Variants in KIAA1549L observed in about 807,000 individuals in gnomAD.
KIAA1549L encodes UPF0606 protein KIAA1549L.
Under a neutral mutation model 160.7 loss-of-function variants are expected in KIAA1549L, and 88 were observed. The observed-to-expected ratio is 0.55, with a 90% confidence interval of 0.46 to 0.65. The LOEUF (loss-of-function observed/expected upper bound fraction) is 0.65, where lower values mean the gene tolerates loss of function less well. Among genes scored for constraint, KIAA1549L ranks in the 30% least tolerant of loss-of-function variants. The pLI, the probability that KIAA1549L is intolerant of heterozygous loss-of-function variation, is 0.00. For synonymous variants in KIAA1549L, 950 were observed against 976.7 expected (o/e 0.97, Z 0.51); for missense variants, 2,258 against 2,437.5 (o/e 0.93, Z 1.55).
chr11:33,660,602 G>A (rs554589000), intron 19 of KIAA1549L, among the ~76,000 whole-genome samples: 58 of 150,764 alleles, frequency 3.8e-4, no homozygotes, highest in African/African-American at 1.4e-3. Context: ...TTCCTCCATC[G>A]CATCCCACCT....
At chr11:33,464,672 C>A (rs1388601295) in intron 1 of KIAA1549L, among the ~76,000 whole-genome samples, 1 of 152,154 alleles carries the variant, frequency 6.6e-6, no homozygotes, top group Admixed American at 6.5e-5. Context: ...CCTCTCCATA[C>A]CACAGCCAGT....
chr11:33,497,082 C>T (rs1852838272), intron 1 of KIAA1549L, among the ~76,000 whole-genome samples: 1 of 152,128 alleles, frequency 6.6e-6, no homozygotes, highest in South Asian at 2.1e-4. Context: ...GAGAAGCCTT[C>T]CCTGGCCCCC....
At position 33,470,695 on chromosome 11, in the gene KIAA1549L, C is replaced by T. The variant is rs562201926; in HGVS notation, c.239-71107C>T. On this transcript the variant is annotated intron_variant, in intron 1 of 20. Coordinates refer to ENST00000658780, the MANE Select transcript of KIAA1549L (RefSeq NM_012194.3). ...AGTTCAAGCAATCCACCTGCCAATCCACCCGCCTTGGCCTCCGAAAATACT... is the reference window on the plus strand; with the variant it reads ...AGTTCAAGCAATCCACCTGCCAATCTACCCGCCTTGGCCTCCGAAAATACT... Among the ~76,000 whole-genome samples the T allele has an allele frequency of 2.0e-5, 3 of 152,294 alleles. No homozygotes were observed. The East Asian group carries it at 5.8e-4, about 29-fold the overall frequency.
At chr11:33,495,949 C>A (rs984204822) in intron 1 of KIAA1549L, among the ~76,000 whole-genome samples, 1 of 151,946 alleles carries the variant, frequency 6.6e-6, no homozygotes, top group Non-Finnish European at 1.5e-5. Context: ...CTGTTCATGT[C>A]CTTCGCCCAC....
At chr11:33,630,087 C>A (rs191693858) in intron 16 of KIAA1549L, among the ~76,000 whole-genome samples, 1,841 of 149,530 alleles carry the variant, frequency 0.012, 51 homozygotes, top group African/African-American at 0.04. Context: ...GTGCCTCCCA[C>A]TTAGGCTGCT....
In KIAA1549L at chr11:33,380,801, A is replaced by C. The variant is rs115044101; in HGVS notation, c.238+3912A>C. Among the ~76,000 whole-genome samples the C allele has an allele frequency of 5.2e-3, 787 of 152,162 alleles. 3 individuals are homozygous for C. Among genetic ancestry groups the C allele is most frequent in the African/African-American group, 0.017 (715 of 41,528 alleles). ...CGATACCAAAGAATTTCTAATTTAG[A>C]ACAGTGTGTGGGGAGATAGTTTTGA... On this transcript the variant is annotated intron_variant, in intron 1 of 20. Transcript: ENST00000658780.
rs148602369 is a variant in KIAA1549L at position 33,505,158 on chromosome 11, C to T, written c.239-36644C>T. Among the ~76,000 whole-genome samples, 5 of 152,344 alleles carry T rather than the reference C, an allele frequency of 3.3e-5. No individual in the cohort carries two copies. In the East Asian group the frequency reaches 7.7e-4, roughly 24 times the overall value. ...GGTTCTAACAATAGCACTCTGAAGT[C>T]AGAGCTGTTTCCTTCTGTCATACAT... On this transcript the variant is annotated intron_variant, in intron 1 of 20. Transcript: ENST00000658780.
At chr11:33,579,656 A>G (rs1415379139) in intron 10 of KIAA1549L, among the ~76,000 whole-genome samples, 2 of 152,204 alleles carry the variant, frequency 1.3e-5, no homozygotes, top group African/African-American at 4.8e-5. Flanking sequence ...AGGTGTTGGG[A>G]ATTCAAGCCT....
intron 16 of KIAA1549L, among the ~76,000 whole-genome samples, chr11:33,645,307 G>A (rs1188712277): frequency 5.3e-5 from 8 of 152,276 alleles, no homozygotes; most frequent in African/African-American, 9.6e-5. Flanking sequence ...CCCTCCAGGT[G>A]TAGATTACAA....
intron 1 of KIAA1549L, among the ~76,000 whole-genome samples, chr11:33,380,350 T>C (rs1850049580): frequency 6.6e-6 from 1 of 152,226 alleles, no homozygotes; most frequent in African/African-American, 2.4e-5. Flanking sequence ...GAATACTGTC[T>C]CATTTAAATA....
chr11:33,539,490 G>A (rs1323106457), intron 1 of KIAA1549L, among the ~76,000 whole-genome samples: 1 of 152,200 alleles, frequency 6.6e-6, no homozygotes, highest in African/African-American at 2.4e-5. Flanking sequence ...CTAACTTCTT[G>A]CTTGTGCTAC....
At chr11:33,657,999 C>A (rs1317015004) in intron 18 of KIAA1549L, among the ~76,000 whole-genome samples, 1 of 152,164 alleles carries the variant, frequency 6.6e-6, no homozygotes, top group South Asian at 2.1e-4. Context: ...TGAAGTCCCT[C>A]TGTGAAACTG....
chr11:33,611,215 C>T (rs1372323435), intron 15 of KIAA1549L, among the ~76,000 whole-genome samples: 1 of 152,232 alleles, frequency 6.6e-6, no homozygotes, highest in African/African-American at 2.4e-5. Flanking sequence ...CTTTCCCATA[C>T]ACAGTCTCCT....
At chr11:33,442,767 A>T (rs979501399) in intron 1 of KIAA1549L, among the ~76,000 whole-genome samples, 5 of 151,988 alleles carry the variant, frequency 3.3e-5, no homozygotes, top group African/African-American at 4.8e-5. Flanking sequence ...CAATTTCCAT[A>T]TTTTTTTCCT....
chr11:33,604,975 A>C (rs1363605926), intron 13 of KIAA1549L, among the ~76,000 whole-genome samples: 1 of 152,210 alleles, frequency 6.6e-6, no homozygotes, highest in Non-Finnish European at 1.5e-5. Context: ...AAATGAAAAT[A>C]AAAAATAAAG....
intron 1 of KIAA1549L, among the ~76,000 whole-genome samples, chr11:33,518,681 T>A (rs1853413453): frequency 6.6e-6 from 1 of 152,228 alleles, no homozygotes. Flanking sequence ...ATAAAGTCTG[T>A]TTTATTCTTT....
chr11:33,398,065 G>T (rs932014001), intron 1 of KIAA1549L, among the ~76,000 whole-genome samples: 1 of 150,876 alleles, frequency 6.6e-6, no homozygotes, highest in African/African-American at 2.4e-5. Context: ...GGGATTACAG[G>T]TGCCTGCCAC....
At chr11:33,403,724 T>C (rs1315343174) in intron 1 of KIAA1549L, 1 of 152,312 alleles carries the variant, frequency 6.6e-6, no homozygotes, top group Non-Finnish European at 1.5e-5. Flanking sequence ...CTTCTCCTCC[T>C]TCTCTTCCTC....
intron 1 of KIAA1549L, among the ~76,000 whole-genome samples, chr11:33,379,458 G>A (rs1850028848): frequency 6.6e-6 from 1 of 152,194 alleles, no homozygotes; most frequent in African/African-American, 2.4e-5. Flanking sequence ...GGATGCGGGA[G>A]GTTGGTGTGG....
Sources: allele counts gnomAD v4.1 joint callset (sites outside exome capture counted in the v4.1 genomes callset), GRCh38; gene constraint gnomAD v4.1.1; transcripts MANE v1.5; gene names NCBI Gene and HGNC (gene_info 2026-07-23, HGNC 2026-07-21).